The following N4BP2L2 variants were observed in gnomAD, a reference collection of about 807,000 sequenced individuals.
The protein encoded by N4BP2L2 is NEDD4 binding protein 2 like 2, also known as NEDD4-binding protein 2-like 2.
In N4BP2L2, 50 loss-of-function variants were observed where a neutral mutation model predicts 56.2. The observed-to-expected ratio is 0.89, with a 90% CI of 0.71 to 1.13. The LOEUF (loss-of-function observed/expected upper bound fraction) is 1.13. N4BP2L2 is among the 50% of genes most tolerant of loss of function. N4BP2L2 has a pLI of 0.00. For synonymous variants in N4BP2L2, 203 were observed against 223.6 expected (o/e 0.91, Z 0.82); for missense variants, 689 against 693.8 (o/e 0.99, Z 0.08).
At chr13:32,521,109 G>A (rs1158357491) in intron 5 of N4BP2L2, among the ~76,000 whole-genome samples, 1 of 151,992 alleles carries the variant, frequency 6.6e-6, no homozygotes, top group Non-Finnish European at 1.5e-5. Flanking sequence ...ATAATACTAC[G>A]GTCCTGTAGT....
At chr13:32,493,880 A>C (rs982942143) in intron 6 of N4BP2L2, among the ~76,000 whole-genome samples, 1 of 152,224 alleles carries the variant, frequency 6.6e-6, no homozygotes, top group Non-Finnish European at 1.5e-5. Context: ...GAAATGACTA[A>C]AAGACAGGTG....
chr13:32,455,448 A>G (rs1322916844), intron 6 of N4BP2L2, among the ~76,000 whole-genome samples: 4 of 152,182 alleles, frequency 2.6e-5, no homozygotes, highest in African/African-American at 9.7e-5. Context: ...GCCGCTGCCC[A>G]TTGCAGCTGC....
At chr13:32,434,064 GCA>G (rs1263156114) in intron 9 of N4BP2L2, among the ~76,000 whole-genome samples, 2 of 151,472 alleles carry the variant, frequency 1.3e-5, no homozygotes, top group Non-Finnish European at 2.9e-5. Context: ...TCCATACTTT[GCA>G]CAGTTTTTTG....
intron 6 of N4BP2L2, among the ~76,000 whole-genome samples, chr13:32,447,139 C>A (rs1395182715): frequency 6.6e-6 from 1 of 152,208 alleles, no homozygotes; most frequent in East Asian, 1.9e-4. Flanking sequence ...GGGTTGAGTC[C>A]TTTTCATGAG....
intron 6 of N4BP2L2, among the ~76,000 whole-genome samples, chr13:32,451,333 TA>T (rs2077982900): frequency 6.8e-6 from 1 of 147,904 alleles, no homozygotes; most frequent in South Asian, 2.2e-4. Flanking sequence ...AAGAGCATAA[TA>T]AAAAACACAA....
intron 6 of N4BP2L2, among the ~76,000 whole-genome samples, chr13:32,500,266 A>G (rs1293050306): frequency 6.6e-6 from 1 of 152,168 alleles, no homozygotes; most frequent in Non-Finnish European, 1.5e-5. Flanking sequence ...TTGCTTGAAC[A>G]ATTATTTAAC....
Position 32,521,455 on chromosome 13 carries a change from CA to C in N4BP2L2, c.1474-7del. The C allele has an allele frequency of 6.3e-7, 1 of 1,586,582 alleles. No individual in the cohort carries two copies. ...CTGTATCCTTTTCCTATGGCCTACA[CA>C]AAGGAAAGGAAGAAAACAAAAACCC... On this transcript the variant is annotated splice_region_variant and splice_polypyrimidine_tract_variant and intron_variant, in intron 4 of 5. Transcript: ENST00000267068.
intron 6 of N4BP2L2, among the ~76,000 whole-genome samples, chr13:32,486,148 C>T (rs2085802288): frequency 6.6e-6 from 1 of 152,068 alleles, no homozygotes. Flanking sequence ...ACGAAAACTC[C>T]ACATTCATCA....
At chr13:32,535,949 T>C in exon 2 of N4BP2L2, 1 of 1,614,102 alleles carries the variant, frequency 6.2e-7, no homozygotes, top group East Asian at 2.2e-5. Flanking sequence ...ATTACTCACA[T>C]ATCGATCTTG....
chr13:32,508,207 T>A (rs1020429013), downstream of N4BP2L2: 4 of 152,076 alleles, frequency 2.6e-5, no homozygotes, highest in Non-Finnish European at 4.4e-5. Context: ...GAAACTAAAA[T>A]GGAGTTGGTT....
chr13:32,535,810 A>G (rs1398894336), exon 2 of N4BP2L2: 4 of 1,613,996 alleles, frequency 2.5e-6, no homozygotes, highest in African/African-American at 2.7e-5. Context: ...GACCTCTTAA[A>G]AGAATAAGTA....
intron 6 of N4BP2L2, chr13:32,446,430 T>C (rs1361168623): frequency 7.4e-7 from 1 of 1,358,592 alleles, no homozygotes; most frequent in Non-Finnish European, 9.8e-7. Context: ...TGCAGACTAG[T>C]ATGTCATTCT....
intron 5 of N4BP2L2, among the ~76,000 whole-genome samples, chr13:32,519,989 A>G (rs1270130449): frequency 1.3e-5 from 2 of 152,232 alleles, no homozygotes; most frequent in Admixed American, 1.3e-4. Context: ...CACCTCAGGT[A>G]TGATACACAC....
downstream of N4BP2L2, chr13:32,506,367 G>GT (rs2090945883): frequency 6.6e-6 from 1 of 152,166 alleles, no homozygotes; most frequent in Non-Finnish European, 1.5e-5. Context: ...AATCTTCAGT[G>GT]TATCAGTTGG....
intron 2 of N4BP2L2, among the ~76,000 whole-genome samples, chr13:32,531,937 T>A (rs1033927133): frequency 4.6e-5 from 7 of 152,218 alleles, no homozygotes; most frequent in African/African-American, 1.4e-4. Flanking sequence ...CCTGGGCTTA[T>A]GGGATGTTCC....
intron 7 of N4BP2L2, among the ~76,000 whole-genome samples, chr13:32,439,812 A>C (rs2076002268): frequency 6.7e-6 from 1 of 149,356 alleles, no homozygotes; most frequent in South Asian, 2.1e-4. Flanking sequence ...GGAGTTGGAG[A>C]CCAGCTCGGC....
At chr13:32,464,326 C>T (rs2080829460) in intron 6 of N4BP2L2, among the ~76,000 whole-genome samples, 1 of 152,172 alleles carries the variant, frequency 6.6e-6, no homozygotes, top group Non-Finnish European at 1.5e-5. Context: ...CTTGCCAGCT[C>T]ATTTCCTAGG....
chr13:32,535,819 T>G, exon 2 of N4BP2L2: 2 of 1,614,174 alleles, frequency 1.2e-6, no homozygotes, highest in Non-Finnish European at 1.7e-6. Flanking sequence ...AAAGAATAAG[T>G]AACTTCTGCA....
chr13:32,498,243 G>A lies in N4BP2L2; in HGVS notation c.365+19614C>T, dbSNP rs527782151. On this transcript the variant is annotated intron_variant, in intron 6 of 9. Transcript: ENST00000357505. Reference sequence around the variant, plus strand: ...CCTGTAATTCCTCCCAAAGTGTTGGGATTACAGGCATGAGCCACTGCATGC... The same window carrying A: ...CCTGTAATTCCTCCCAAAGTGTTGGAATTACAGGCATGAGCCACTGCATGC... 3.3e-5 allele frequency among the ~76,000 whole-genome samples: 5 copies of A among 152,292 alleles called. No individual in the cohort carries two copies. In the South Asian group the frequency reaches 1.0e-3, roughly 32 times the overall value.
Sources: gnomAD v4.1 joint callset for allele counts (sites outside exome capture counted in the v4.1 genomes callset) on GRCh38, gnomAD v4.1.1 for gene constraint, MANE v1.5 for transcripts, NCBI Gene and HGNC (gene_info 2026-07-23, HGNC 2026-07-21) for gene names.